ERI2: variants seen among roughly 807,000 people sequenced by gnomAD.
The protein encoded by ERI2 is ERI1 exoribonuclease family member 2, also known as ERI1 exoribonuclease 2.
A neutral mutation model predicts 46.8 loss-of-function variants in ERI2; 35 were observed. The observed-to-expected ratio is 0.75, with a 90% CI of 0.57 to 0.99. ERI2 has a LOEUF of 0.99. Among genes scored for constraint, ERI2 ranks in the 50% least tolerant of loss-of-function variants. The probability of loss-of-function intolerance (pLI) is 0.00; values close to 1 mark genes in which losing one functional copy is unlikely to be tolerated. For missense variants in ERI2, 695 were observed against 796.2 expected, an observed-to-expected ratio of 0.87 and a Z score of 1.53; for synonymous variants, 224 against 271.0, an observed-to-expected ratio of 0.83 and a Z score of 1.70.
Position 20,800,309 on chromosome 16 carries a change from G to T in ERI2, c.554C>A (p.Thr185Asn), listed in dbSNP as rs540934841. The change falls in exon 6 of 9, where the codon ACT becomes AAT. Residue 185 changes from threonine (T) to asparagine (N), a missense_variant. Thr to Asn is a moderately conservative substitution (Grantham distance 65). Coordinates refer to ENST00000357967, the MANE Select transcript of ERI2 (RefSeq NM_001142725.2). ...FLNSWIDLRA[T>N]YKLFYRRKPK... ...CCCATTTTTTACCATTACCTTGTAA[G>T]TTGCTCTGAGATCAATCCAAGAATT... 1.7e-5 allele frequency: 28 copies of T among 1,601,706 alleles called. No individual in the cohort carries two copies. In the African/African-American group the frequency reaches 3.5e-4, roughly 20 times the overall value.
chr16:20,805,854 C>T (rs1463769912), intron 1 of ERI2: 1 of 561,966 alleles, frequency 1.8e-6, no homozygotes, highest in Non-Finnish European at 2.3e-6. Flanking sequence ...AAACCGGACA[C>T]AGCAGTAGGG....
intron 5 of ERI2, 24 bp from the exon 6 acceptor site, chr16:20,800,426 AAC>A: frequency 6.9e-7 from 1 of 1,444,498 alleles, no homozygotes; most frequent in South Asian, 1.3e-5. Context: ...ATTAAAATAG[AAC>A]AAAGTCAATG....
At chr16:20,782,253 T>C (rs2080368333) in intron 10 of ERI2, among the ~76,000 whole-genome samples, 1 of 152,204 alleles carries the variant, frequency 6.6e-6, no homozygotes, top group South Asian at 2.1e-4. Context: ...TTGTTTTGTT[T>C]TGTTTCAATA....
At position 20,798,663 on chromosome 16, in the gene ERI2, A is replaced by C; in HGVS notation, c.1137T>G (p.Leu379=). ...GAACAGTTGGAACGGTGGTAGAAACAAGTACCAATTCTGAACCAACTGTTG... is the reference window on the plus strand; with the variant it reads ...GAACAGTTGGAACGGTGGTAGAAACCAGTACCAATTCTGAACCAACTGTTG... ...KASTVGSELV[L]VSTTVPTVHH... is the part of the protein sequence containing the mutation. Residue 379 remains leucine, a synonymous_variant, in exon 9 of 9, where the codon CTT becomes CTG. Coordinates refer to ENST00000357967, the MANE Select transcript of ERI2 (RefSeq NM_001142725.2). 6.4e-7 allele frequency: 1 copy of C among 1,551,722 alleles called. No homozygotes were observed. The highest frequency in any genetic ancestry group is 8.7e-7 in the Non-Finnish European group (1 of 1,146,938).
At chr16:20,799,549 C>T in intron 7 of ERI2, 198 bp from the exon 8 acceptor site, 1 of 572,554 alleles carries the variant, frequency 1.7e-6, no homozygotes, top group South Asian at 2.3e-5. Context: ...CAGTGAAAGA[C>T]AAGCTCGTCC....
At chr16:20,805,821 T>A (rs990638592) in intron 1 of ERI2, 6 of 314,946 alleles carry the variant, frequency 1.9e-5, no homozygotes, top group Admixed American at 1.3e-4. Context: ...ATACAGAATG[T>A]GAGGTCCCGT....
downstream of ERI2, among the ~76,000 whole-genome samples, chr16:20,794,400 A>G (rs1219886255): frequency 6.6e-6 from 1 of 152,312 alleles, no homozygotes; most frequent in South Asian, 2.1e-4. Context: ...GAAATGTTCT[A>G]TATTTGCACC....
chr16:20,781,014 A>G (rs780975938), intron 10 of ERI2: 22 of 1,614,166 alleles, frequency 1.4e-5, no homozygotes, highest in Non-Finnish European at 1.9e-5. Context: ...GATGTGGAAT[A>G]CCTCAGATAC....
rs955697260 is a variant in ERI2, at chr16:20,801,015, G to A, written c.460+188C>T. 9 of 436,776 alleles carry A rather than the reference G, an allele frequency of 2.1e-5. No individual in the cohort carries two copies. The Admixed American group carries it at 3.0e-4, about 15-fold the overall frequency. The allele number at this position is 436,776 out of a possible 1,614,324, so 27.1% of individuals were successfully genotyped here. ...CTTAATATTTTAAGGTATCCCAAAA[G>A]GTTAATTTAAAAAATATGTATTAAT... is the stretch of plus-strand genomic sequence containing the variant. On this transcript the variant is annotated intron_variant, in intron 5 of 8. Coordinates refer to ENST00000357967, the MANE Select transcript of ERI2 (RefSeq NM_001142725.2).
chr16:20,799,333 T>A lies in ERI2; in HGVS notation c.662A>T (p.Asn221Ile), dbSNP rs941783172. 5.0e-6 allele frequency: 8 copies of A among 1,613,574 alleles called. No homozygotes were observed. The highest frequency in any genetic ancestry group is 1.3e-5 in the African/African-American group (1 of 74,916). Residue 221 changes from asparagine (N) to isoleucine (I), a missense_variant, in exon 8 of 9, where the codon AAT becomes ATT. Physicochemically the swap from Asn to Ile is moderately radical, Grantham distance 149. Coordinates refer to ENST00000357967, the MANE Select transcript of ERI2 (RefSeq NM_001142725.2). ...CATTTTCCAAGCAAGAAGGGCAGTA[T>A]TCCGAGAATCGTCCAACCCTGAGGA... ...REHSGLDDSR[N>I]TALLAWKMIR...
At chr16:20,781,928 T>C in intron 10 of ERI2, 1 of 640,082 alleles carries the variant, frequency 1.6e-6, no homozygotes. Context: ...TCTTTCTCCT[T>C]CTTGCCTGCA....
intron 9 of ERI2, among the ~76,000 whole-genome samples, chr16:20,789,977 A>C (rs1457489621): frequency 6.6e-6 from 1 of 151,832 alleles, no homozygotes; most frequent in African/African-American, 2.4e-5. Flanking sequence ...CCCAGCCAGC[A>C]ATCCTATTTT....
Position 20,790,564 on chromosome 16 carries a change from T to C in ERI2, c.815+286A>G. The C allele has an allele frequency of 6.3e-7, 1 of 1,589,568 alleles. No individual in the cohort carries two copies. The highest frequency in any genetic ancestry group is 8.6e-7 in the Non-Finnish European group (1 of 1,163,528). ...GACATTAAACAAAAATTTCCTTAAA[T>C]AAATTGTTCTATTTTATCCTAGATT... is the stretch of plus-strand genomic sequence containing the variant. On this transcript the variant is annotated intron_variant, in intron 9 of 10. Coordinates refer to the ERI2 transcript ENST00000300005. The surrounding 1 kb of genome is among the most constrained non-coding windows in gnomAD (Gnocchi z 4.0).
intron 10 of ERI2, chr16:20,789,430 T>G: frequency 7.6e-7 from 1 of 1,319,424 alleles, no homozygotes; most frequent in Non-Finnish European, 1.1e-6. Context: ...CTTCAGGGAA[T>G]GATGAGGATT....
chr16:20,806,457 C>T lies in ERI2; in HGVS notation c.-27G>A, dbSNP rs922977158. ...CCCGACACTCCTTGCTTTTCCAAGT[C>T]CAGCTGCCGGAAGTCGCTCGACTTC... is the stretch of plus-strand genomic sequence containing the variant. On this transcript the variant is annotated 5_prime_UTR_variant, in exon 1 of 9. Transcript: ENST00000357967. The T allele has an allele frequency of 3.2e-6, 5 of 1,552,016 alleles. No homozygotes were observed. Among genetic ancestry groups the T allele is most frequent in the Non-Finnish European group, 4.4e-6 (5 of 1,147,588 alleles).
chr16:20,798,732 T>G lies in ERI2; in HGVS notation c.1068A>C (p.Gln356His). ...TLNSPIYMQK[Q>H]GKNEHLAFNT... ...TAAATGCAAGATGTTCATTTTTTCC[T>G]TGCTTTTGCATATAGATAGGTGAAT... Residue 356 changes from glutamine to histidine, a missense_variant, in exon 9 of 9, where the codon CAA (glutamine) becomes CAC (histidine). Physicochemically the swap from Gln to His is conservative, Grantham distance 24. Coordinates refer to ENST00000357967, the MANE Select transcript of ERI2 (RefSeq NM_001142725.2). The G allele has an allele frequency of 6.4e-7, 1 of 1,551,646 alleles. No homozygotes were observed. Among genetic ancestry groups the G allele is most frequent in the Non-Finnish European group, 8.7e-7 (1 of 1,146,908 alleles).
Position 20,790,829 on chromosome 16 carries a change from G to T in ERI2, c.815+21C>A, listed in dbSNP as rs750990673. ...GGTTGTCCTGAATAGTAATCCAAAA[G>T]ACAAGAAATTGAAGAAATACCCAAA... On this transcript the variant is annotated intron_variant, in intron 9 of 10. Transcript: ENST00000300005. The surrounding 1 kb of genome is among the most constrained non-coding windows in gnomAD (Gnocchi z 4.0). 1.2e-6 allele frequency: 2 copies of T among 1,613,932 alleles called. No individual in the cohort carries two copies. The highest frequency in any genetic ancestry group is 2.2e-5 in the East Asian group (1 of 44,872).
At chr16:20,800,536 C>A in intron 5 of ERI2, 134 bp from the exon 6 acceptor site, 1 of 477,222 alleles carries the variant, frequency 2.1e-6, no homozygotes. Flanking sequence ...CTGCTAATAT[C>A]TAAAAATTAT....
chr16:20,795,148 G>A (rs890279264), downstream of ERI2, among the ~76,000 whole-genome samples: 4 of 152,180 alleles, frequency 2.6e-5, no homozygotes, highest in Non-Finnish European at 5.9e-5. Context: ...GTTCACAACT[G>A]CCGCATGGCA....
Sources: gnomAD v4.1 joint callset for allele counts (sites outside exome capture counted in the v4.1 genomes callset) on GRCh38, gnomAD v4.1.1 for gene constraint, Gnocchi (gnomAD v3.1) non-coding constraint, MANE v1.5 for transcripts, NCBI Gene and HGNC (gene_info 2026-07-23, HGNC 2026-07-21) for gene names.